The following GOLGA6L10 variants were observed in gnomAD, a reference collection of about 807,000 sequenced individuals.
The protein encoded by GOLGA6L10 is golgin A6 family like 10.
GOLGA6L10 carries 4 observed loss-of-function variants against 56.9 expected under a neutral mutation model. That is an observed-to-expected ratio of 0.07 (90% confidence interval 0.03 to 0.16). The LOEUF (loss-of-function observed/expected upper bound fraction) is 0.16. GOLGA6L10 is among the 10% of genes least tolerant of loss of function. The pLI is 1.00. For synonymous variants in GOLGA6L10, 11 were observed against 220.9 expected (o/e 0.05, Z 8.43); for missense variants, 34 against 558.3 (o/e 0.06, Z 9.46).
intron 4 of GOLGA6L10, among the ~76,000 whole-genome samples, chr15:82,346,130 C>T (rs1186581614): frequency 6.6e-6 from 1 of 151,466 alleles, no homozygotes; most frequent in Non-Finnish European, 1.5e-5. Context: ...TTCTAGGGGC[C>T]TTTAAATCTC....
Position 82,342,400 on chromosome 15 carries a change from C to T in GOLGA6L10, c.*376G>A, listed in dbSNP as rs970144382. The T allele has an allele frequency of 5.7e-5, 18 of 314,316 alleles. No homozygotes were observed. The highest frequency in any genetic ancestry group is 3.2e-4 in the African/African-American group (14 of 43,598). The allele number at this position is 314,316 out of a possible 1,614,324, so 19.5% of individuals were successfully genotyped here. On this transcript the variant is annotated 3_prime_UTR_variant, in exon 9 of 9. Coordinates refer to ENST00000610657, the MANE Select transcript of GOLGA6L10 (RefSeq NM_001164465.3). ...CCAAACCAGCAAGAACAGTTGTGTG[C>T]ATACAGTGGGTCTTTGTGTGTTTGA...
At position 82,346,203 on chromosome 15, in the gene GOLGA6L10, AGAG is replaced by A. The variant is rs1267976599; in HGVS notation, c.346-310_346-308del. ...ACCTCCTCCAGAAACACGAGCATAA[AGAG>A]GAGAGATGGCTTGTCCAGACTCAAA... On this transcript the variant is annotated intron_variant, in intron 4 of 8. Transcript: ENST00000610657. 7.3e-5 allele frequency among the ~76,000 whole-genome samples: 11 copies of A among 150,720 alleles called. No homozygotes were observed. The East Asian group carries it at 2.1e-3, about 29-fold the overall frequency.
At chr15:82,348,206 G>T (rs1445275374) in intron 1 of GOLGA6L10, among the ~76,000 whole-genome samples, 3 of 152,118 alleles carry the variant, frequency 2.0e-5, no homozygotes, top group Admixed American at 6.5e-5. Context: ...AAGGGAAAAT[G>T]ATGCTTCAGA....
rs1327636299 is a variant in GOLGA6L10, at chr15:82,340,016, A to T, written c.*2760T>A. 1.3e-5 allele frequency: 2 copies of T among 150,762 alleles called. No homozygotes were observed. The highest frequency in any genetic ancestry group is 1.3e-4 in the Admixed American group (2 of 15,164). The allele number at this position is 150,762 out of a possible 1,614,324, so 9.3% of individuals were successfully genotyped here. On this transcript the variant is annotated 3_prime_UTR_variant, in exon 9 of 9. Transcript: ENST00000610657. Reference sequence around the variant, plus strand: ...AATTTTTAGGCAAAACAGCACCTTGAAACAATCTAATAATTTATTACATTA... The same window carrying T: ...AATTTTTAGGCAAAACAGCACCTTGTAACAATCTAATAATTTATTACATTA...
At chr15:82,343,972 C>T (rs2075658470) in intron 7 of GOLGA6L10, among the ~76,000 whole-genome samples, 1 of 149,864 alleles carries the variant, frequency 6.7e-6, no homozygotes, top group African/African-American at 2.5e-5. Context: ...CCACACCCGA[C>T]ATAAGGAGCC....
chr15:82,343,551 CTAACTTCCTTT>C (rs1442433926), intron 7 of GOLGA6L10, among the ~76,000 whole-genome samples: 2 of 151,022 alleles, frequency 1.3e-5, no homozygotes, highest in Non-Finnish European at 3.0e-5. Flanking sequence ...AAGGAAAAGG[CTAACTTCCTTT>C]TGAAGTTAAA....
At chr15:82,348,208 T>C (rs2075699457) in intron 1 of GOLGA6L10, among the ~76,000 whole-genome samples, 2 of 152,118 alleles carry the variant, frequency 1.3e-5, no homozygotes, top group African/African-American at 2.4e-5. Context: ...GGGAAAATGA[T>C]GCTTCAGAAA....
Position 82,345,199 on chromosome 15 carries a change from TCTC to T in GOLGA6L10, c.658_660del (p.Glu220del). On this transcript the variant is annotated inframe_deletion, in exon 6 of 9. Coordinates refer to ENST00000610657, the MANE Select transcript of GOLGA6L10 (RefSeq NM_001164465.3). ...AGCCTCTCCTCCTGTTCACACAGCCTCTCCTCCTGTTCATGTAGCCTCTCCTCC... is the reference window on the plus strand; with the variant it reads ...AGCCTCTCCTCCTGTTCACACAGCCTCTCCTGTTCATGTAGCCTCTCCTCC... The T allele has an allele frequency of 1.3e-6, 2 of 1,557,386 alleles. No individual in the cohort carries two copies. Among genetic ancestry groups the T allele is most frequent in the Middle Eastern group, 4.6e-4 (2 of 4,336 alleles).
Position 82,344,644 on chromosome 15 carries a change from C to G in GOLGA6L10, c.1216G>C (p.Gly406Arg). 4 of 1,555,372 alleles carry G rather than the reference C, an allele frequency of 2.6e-6. No homozygotes were observed. The highest frequency in any genetic ancestry group is 3.4e-6 in the Non-Finnish European group (4 of 1,160,496). The stretch of plus-strand genomic sequence containing the variant: ...CGCTGCTCGTACAGGGCTTCCCACC[C>G]CAGCTCCAGCATCCTCTCCAGCTCC... Reference protein sequence around the residue: ...LRELERMLELGWEALYEQRAE... With the variant: ...LRELERMLELRWEALYEQRAE... Residue 406 changes from glycine to arginine, a missense_variant, in exon 6 of 9, where the codon GGG becomes CGG. Physicochemically the swap from Gly to Arg is moderately radical, Grantham distance 125. Coordinates refer to ENST00000610657, the MANE Select transcript of GOLGA6L10 (RefSeq NM_001164465.3).
Position 82,340,038 on chromosome 15 carries a change from A to G in GOLGA6L10, c.*2738T>C. 1 of 151,614 alleles carries G rather than the reference A, an allele frequency of 6.6e-6. No homozygotes were observed. Among genetic ancestry groups the G allele is most frequent in the African/African-American group, 2.4e-5 (1 of 41,556 alleles). 9.4% of individuals were successfully genotyped at this position (151,614 alleles called of 1,614,324 possible). Reference sequence around the variant, plus strand: ...TTGAAACAATCTAATAATTTATTACATTACAGTAGCATCACAGAAGCAGTC... The same window carrying G: ...TTGAAACAATCTAATAATTTATTACGTTACAGTAGCATCACAGAAGCAGTC... On this transcript the variant is annotated 3_prime_UTR_variant, in exon 9 of 9. Coordinates refer to ENST00000610657, the MANE Select transcript of GOLGA6L10 (RefSeq NM_001164465.3).
At position 82,340,357 on chromosome 15, in the gene GOLGA6L10, AT is replaced by A. The variant is rs1405942580; in HGVS notation, c.*2418del. ...AGAGAATCTATTTTGGATAGGGTTGATTTACATTTTCACATTTTCTAAAAAT... is the reference window on the plus strand; with the variant it reads ...AGAGAATCTATTTTGGATAGGGTTGATTACATTTTCACATTTTCTAAAAAT... On this transcript the variant is annotated 3_prime_UTR_variant, in exon 9 of 9. Coordinates refer to ENST00000610657, the MANE Select transcript of GOLGA6L10 (RefSeq NM_001164465.3). The A allele has an allele frequency of 2.6e-5, 4 of 151,480 alleles. No homozygotes were observed. The highest frequency in any genetic ancestry group is 4.4e-5 in the Non-Finnish European group (3 of 67,828). The allele number at this position is 151,480 out of a possible 1,614,324, so 9.4% of individuals were successfully genotyped here.
rs2075643752 is a variant in GOLGA6L10 at position 82,342,144 on chromosome 15, A to G, written c.*632T>C. On this transcript the variant is annotated 3_prime_UTR_variant, in exon 9 of 9. Coordinates refer to ENST00000610657, the MANE Select transcript of GOLGA6L10 (RefSeq NM_001164465.3). ...CCCCAATACACAGAAAAAGGGGGAAAGGCTGTTTCCAGTGCTCCACCTTTA... is the reference window on the plus strand; with the variant it reads ...CCCCAATACACAGAAAAAGGGGGAAGGGCTGTTTCCAGTGCTCCACCTTTA... The G allele has an allele frequency of 6.3e-6, 1 of 159,202 alleles. No homozygotes were observed. The highest frequency in any genetic ancestry group is 6.1e-5 in the Admixed American group (1 of 16,512). 9.9% of individuals were successfully genotyped at this position (159,202 alleles called of 1,614,324 possible). A position where few individuals can be genotyped will look rare whatever the true frequency, so the allele number is the denominator to read the frequency against.
Position 82,345,112 on chromosome 15 carries a change from GCCTCTCCTCCTGTT to G in GOLGA6L10, c.734_747del (p.Glu245AlafsTer3). 1 of 554,860 alleles carries G rather than the reference GCCTCTCCTCCTGTT, an allele frequency of 1.8e-6. No homozygotes were observed. The highest frequency in any genetic ancestry group is 3.1e-6 in the Non-Finnish European group (1 of 319,424). 34.4% of individuals were successfully genotyped at this position (554,860 alleles called of 1,614,324 possible). The stretch of plus-strand genomic sequence containing the variant: ...CGTAGCCTCTCCTCCTGTTCACACA[GCCTCTCCTCCTGTT>G]CACGTAGCCTCTCCTCCTGTTCACA... On this transcript the variant is annotated frameshift_variant, in exon 6 of 9. Transcript: ENST00000610657. LOFTEE classifies it high-confidence loss of function.
intron 7 of GOLGA6L10, among the ~76,000 whole-genome samples, 180 bp downstream of exon 7, chr15:82,344,081 C>T (rs1283248575): frequency 6.7e-6 from 1 of 150,168 alleles, no homozygotes; most frequent in African/African-American, 2.5e-5. Context: ...GGGCTACCCA[C>T]CTCTAAAAGT....
Position 82,340,234 on chromosome 15 carries a change from G to T in GOLGA6L10, c.*2542C>A, listed in dbSNP as rs1268621862. 5 of 151,578 alleles carry T rather than the reference G, an allele frequency of 3.3e-5. No homozygotes were observed. The East Asian group carries it at 7.7e-4, about 23-fold the overall frequency. The allele number at this position is 151,578 out of a possible 1,614,324, so 9.4% of individuals were successfully genotyped here. A position where few individuals can be genotyped will look rare whatever the true frequency, so the allele number is the denominator to read the frequency against. On this transcript the variant is annotated 3_prime_UTR_variant, in exon 9 of 9. Transcript: ENST00000610657. ...CCTAGATTCTTTGTTTTAAGCTACA[G>T]TATTCGTATTTTAAAATGTTTTAAA... is the stretch of plus-strand genomic sequence containing the variant.
In GOLGA6L10 at chr15:82,342,186, A is replaced by C. The variant is rs1164763739; in HGVS notation, c.*590T>G. 4 of 169,992 alleles carry C rather than the reference A, an allele frequency of 2.4e-5. No homozygotes were observed. Among genetic ancestry groups the C allele is most frequent in the African/African-American group, 9.7e-5 (4 of 41,384 alleles). 10.5% of individuals were successfully genotyped at this position (169,992 alleles called of 1,614,324 possible). The stretch of plus-strand genomic sequence containing the variant: ...CCACCTTTAAACAACTGTAAATGTC[A>C]GTACTCACAGTGGCATATTACAAAG... On this transcript the variant is annotated 3_prime_UTR_variant, in exon 9 of 9. Transcript: ENST00000610657.
At position 82,342,336 on chromosome 15, in the gene GOLGA6L10, A is replaced by G. The variant is rs2075644994; in HGVS notation, c.*440T>C. ...TTTATCTGAATTCCGTAATGAATATACAGGCTGTACTAACATTAAAAAAGC... is the reference window on the plus strand; with the variant it reads ...TTTATCTGAATTCCGTAATGAATATGCAGGCTGTACTAACATTAAAAAAGC... On this transcript the variant is annotated 3_prime_UTR_variant, in exon 9 of 9. Coordinates refer to ENST00000610657, the MANE Select transcript of GOLGA6L10 (RefSeq NM_001164465.3). 4.4e-6 allele frequency: 1 copy of G among 228,684 alleles called. No individual in the cohort carries two copies. Among genetic ancestry groups the G allele is most frequent in the East Asian group, 1.3e-4 (1 of 7,438 alleles). The allele number at this position is 228,684 out of a possible 1,614,324, so 14.2% of individuals were successfully genotyped here. A position where few individuals can be genotyped will look rare whatever the true frequency, so the allele number is the denominator to read the frequency against.
rs1474224533 is a variant in GOLGA6L10 at position 82,347,830 on chromosome 15, A to T, written c.85-201T>A. The stretch of plus-strand genomic sequence containing the variant: ...AAAAAAAAGAAAGATCAAAAAAGGC[A>T]ATACTGGAACTTAAACTCAGTCCTC... On this transcript the variant is annotated intron_variant, in intron 1 of 8. Coordinates refer to ENST00000610657, the MANE Select transcript of GOLGA6L10 (RefSeq NM_001164465.3). Among the ~76,000 whole-genome samples the T allele has an allele frequency of 3.3e-5, 5 of 152,224 alleles. No individual in the cohort carries two copies. In the South Asian group the frequency reaches 8.3e-4, roughly 25 times the overall value.
chr15:82,340,126 A>G lies in GOLGA6L10; in HGVS notation c.*2650T>C, dbSNP rs2075634609. The G allele has an allele frequency of 6.6e-6, 1 of 151,480 alleles. No homozygotes were observed. Among genetic ancestry groups the G allele is most frequent in the Non-Finnish European group, 1.5e-5 (1 of 67,690 alleles). 9.4% of individuals were successfully genotyped at this position (151,480 alleles called of 1,614,324 possible). On this transcript the variant is annotated 3_prime_UTR_variant, in exon 9 of 9. Coordinates refer to ENST00000610657, the MANE Select transcript of GOLGA6L10 (RefSeq NM_001164465.3). ...ATGCATTCTGTGTATAAGAATTCAT[A>G]AATCGGTAAAAGTCGTTCTAAGAAA... is the stretch of plus-strand genomic sequence containing the variant.
Sources: gnomAD v4.1 joint callset for allele counts (sites outside exome capture counted in the v4.1 genomes callset) on GRCh38, gnomAD v4.1.1 for gene constraint, MANE v1.5 for transcripts, NCBI Gene and HGNC (gene_info 2026-07-23, HGNC 2026-07-21) for gene names.